ITGBL1: variants seen among roughly 807,000 people sequenced by gnomAD.
ITGBL1 encodes the protein integrin beta-like protein 1.
ITGBL1 carries 51 observed loss-of-function variants against 68.5 expected under a neutral mutation model. The ratio of observed to expected loss-of-function variants is 0.74; its 90% confidence interval spans 0.59 to 0.94. The LOEUF (loss-of-function observed/expected upper bound fraction) is 0.94. Ranked by LOEUF, ITGBL1 falls within the 40% of genes least tolerant of loss-of-function variation. The pLI, the probability that ITGBL1 is intolerant of heterozygous loss-of-function variation, is 0.00. For missense variants in ITGBL1, 649 were observed against 647.4 expected (o/e 1.00, Z -0.03); for synonymous variants, 209 against 227.3 (o/e 0.92, Z 0.72).
At chr13:101,526,169 T>A (rs944093128) in intron 2 of ITGBL1, among the ~76,000 whole-genome samples, 2 of 150,944 alleles carry the variant, frequency 1.3e-5, no homozygotes, top group South Asian at 4.2e-4. Flanking sequence ...TTTTTTTTTT[T>A]AAATACTTTA....
chr13:101,487,866 T>G (rs992638729), intron 2 of ITGBL1, among the ~76,000 whole-genome samples: 1 of 152,204 alleles, frequency 6.6e-6, no homozygotes, highest in Non-Finnish European at 1.5e-5. Context: ...AAAGAAGGGT[T>G]AATCTTCCTA....
Position 101,552,587 on chromosome 13 carries a change from A to G in ITGBL1, c.317-15112A>G, listed in dbSNP as rs139656294. On this transcript the variant is annotated intron_variant, in intron 2 of 10. Transcript: ENST00000376180. ...AATTTCCTTGTTTTAAGTCAGATCA[A>G]GCAAACTGTCAATAATGTTTATTAA... 3.3e-5 allele frequency among the ~76,000 whole-genome samples: 5 copies of G among 152,352 alleles called. No homozygotes were observed. In the East Asian group the frequency reaches 9.7e-4, roughly 29 times the overall value.
At chr13:101,647,106 C>T (rs964033609) in intron 7 of ITGBL1, among the ~76,000 whole-genome samples, 1 of 152,022 alleles carries the variant, frequency 6.6e-6, no homozygotes, top group African/African-American at 2.4e-5. Context: ...TGTTAAATAT[C>T]TTAGTTAGCA....
intron 7 of ITGBL1, among the ~76,000 whole-genome samples, chr13:101,654,302 G>C (rs1594957291): frequency 6.6e-6 from 1 of 152,136 alleles, no homozygotes; most frequent in African/African-American, 2.4e-5. Context: ...GAAGGGGAAG[G>C]TGACATACTT....
intron 2 of ITGBL1, among the ~76,000 whole-genome samples, chr13:101,546,596 GAACA>G (rs1451001906): frequency 1.5e-4 from 23 of 151,668 alleles, no homozygotes; most frequent in Admixed American, 1.1e-3. Flanking sequence ...ACTCATAACA[GAACA>G]AACAAAGGTG....
chr13:101,690,414 G>C (rs1484621906), intron 7 of ITGBL1, among the ~76,000 whole-genome samples: 1 of 152,144 alleles, frequency 6.6e-6, no homozygotes. Flanking sequence ...TTGTCACCAT[G>C]AATACATATA....
intron 2 of ITGBL1, among the ~76,000 whole-genome samples, chr13:101,482,367 A>T (rs2048638183): frequency 6.6e-6 from 1 of 151,730 alleles, no homozygotes; most frequent in South Asian, 2.1e-4. Flanking sequence ...CTGAAGTAAA[A>T]TGATACTTAT....
At chr13:101,552,581 A>G (rs1342018261) in intron 2 of ITGBL1, among the ~76,000 whole-genome samples, 2 of 152,234 alleles carry the variant, frequency 1.3e-5, no homozygotes, top group Non-Finnish European at 2.9e-5. Context: ...GTTTTAAGTC[A>G]GATCAAGCAA....
rs950661457 is a variant in ITGBL1 at position 101,656,553 on chromosome 13, C to T, written c.1016-36032C>T. Among the ~76,000 whole-genome samples, 4 of 152,244 alleles carry T rather than the reference C, an allele frequency of 2.6e-5. No individual in the cohort carries two copies. In the East Asian group the frequency reaches 7.7e-4, roughly 29 times the overall value. On this transcript the variant is annotated intron_variant, in intron 7 of 10. Coordinates refer to ENST00000376180, the MANE Select transcript of ITGBL1 (RefSeq NM_004791.3). ...TTGTAGGGCATGACTTTCTAGACAA[C>T]TTAGGAACTTGGGCAAGATAAAAAA...
chr13:101,496,000 T>A (rs2048852628), intron 2 of ITGBL1, among the ~76,000 whole-genome samples: 1 of 152,184 alleles, frequency 6.6e-6, no homozygotes, highest in South Asian at 2.1e-4. Flanking sequence ...TTTCTTAATA[T>A]TCTTTAATTT....
chr13:101,670,658 T>C (rs1163269058), intron 7 of ITGBL1, among the ~76,000 whole-genome samples: 1 of 152,220 alleles, frequency 6.6e-6, no homozygotes. Context: ...TTCCCCAGTA[T>C]CAAAGTTCTA....
chr13:101,572,433 G>A (rs376758172), intron 3 of ITGBL1, among the ~76,000 whole-genome samples: 1 of 152,102 alleles, frequency 6.6e-6, no homozygotes, highest in Admixed American at 6.6e-5. Flanking sequence ...CACTGTACAG[G>A]AGTGTGGGCT....
chr13:101,509,623 T>C (rs1409939975), intron 2 of ITGBL1, among the ~76,000 whole-genome samples: 1 of 152,256 alleles, frequency 6.6e-6, no homozygotes, highest in African/African-American at 2.4e-5. Context: ...TACATGGACC[T>C]AATTTCAGAT....
chr13:101,606,174 T>TATATATATATATATATA (rs1555361917), intron 7 of ITGBL1, among the ~76,000 whole-genome samples: 86 of 138,046 alleles, frequency 6.2e-4, no homozygotes, highest in African/African-American at 2.3e-3. Flanking sequence ...ATTAGGATTT[T>TATATATATATATATATA]TATATATATA....
At chr13:101,561,963 ACTGT>A (rs2139237485) in intron 2 of ITGBL1, among the ~76,000 whole-genome samples, 1 of 152,138 alleles carries the variant, frequency 6.6e-6, no homozygotes, top group South Asian at 2.1e-4. Context: ...AAAATAACTG[ACTGT>A]CTAAAACAAA....
At chr13:101,525,159 A>G (rs574305509) in intron 2 of ITGBL1, among the ~76,000 whole-genome samples, 1 of 152,268 alleles carries the variant, frequency 6.6e-6, no homozygotes, top group South Asian at 2.1e-4. Flanking sequence ...TTGAACTGAT[A>G]TATGTTCATA....
chr13:101,617,568 A>G (rs1400956288), intron 7 of ITGBL1, among the ~76,000 whole-genome samples: 1 of 152,186 alleles, frequency 6.6e-6, no homozygotes, highest in African/African-American at 2.4e-5. Context: ...TTTCTATGCT[A>G]ATCAAGTTTC....
intron 7 of ITGBL1, among the ~76,000 whole-genome samples, chr13:101,666,342 C>G (rs1341612254): frequency 6.6e-6 from 1 of 152,070 alleles, no homozygotes; most frequent in Admixed American, 6.6e-5. Flanking sequence ...GTTCTTTTGA[C>G]TTGACTTGGG....
At chr13:101,483,119 C>T (rs9554790) in intron 2 of ITGBL1, among the ~76,000 whole-genome samples, 36,581 of 152,074 alleles carry the variant, frequency 0.24, 4,900 homozygotes, top group East Asian at 0.48. Flanking sequence ...TAGCCCCACA[C>T]CCAGGCTTCA....
Sources: gnomAD v4.1 joint callset for allele counts (sites outside exome capture counted in the v4.1 genomes callset) on GRCh38, gnomAD v4.1.1 for gene constraint, MANE v1.5 for transcripts, NCBI Gene and HGNC (gene_info 2026-07-23, HGNC 2026-07-21) for gene names.